Variants in FBXW11 observed in about 807,000 individuals in gnomAD.
FBXW11 encodes the protein F-box/WD repeat-containing protein 11.
Under a neutral mutation model 77.6 loss-of-function variants are expected in FBXW11, and 19 were observed. The observed-to-expected ratio is 0.24, with a 90% CI of 0.17 to 0.36. FBXW11 has a LOEUF of 0.36. Among genes scored for constraint, FBXW11 ranks in the 10% least tolerant of loss-of-function variants. The pLI, the probability that FBXW11 is intolerant of heterozygous loss-of-function variation, is 1.00. For missense variants in FBXW11, 334 were observed against 704.2 expected (o/e 0.47, Z 5.95); for synonymous variants, 235 against 249.4 (o/e 0.94, Z 0.54).
chr5:171,969,829 G>C (rs1764426920), intron 1 of FBXW11, among the ~76,000 whole-genome samples: 1 of 152,066 alleles, frequency 6.6e-6, no homozygotes, highest in South Asian at 2.1e-4. Flanking sequence ...AGCCTCCCGA[G>C]TAGAGCTGGG....
intron 2 of FBXW11, among the ~76,000 whole-genome samples, chr5:171,947,783 G>A (rs1239839709): frequency 6.6e-6 from 1 of 152,044 alleles, no homozygotes; most frequent in African/African-American, 2.4e-5. Context: ...AGGAGTGGCT[G>A]GTGTGTGTCT....
intron 1 of FBXW11, among the ~76,000 whole-genome samples, chr5:171,958,064 C>A (rs1763710558): frequency 6.6e-6 from 1 of 152,204 alleles, no homozygotes; most frequent in Non-Finnish European, 1.5e-5. Context: ...TCGTCTATGT[C>A]ACATAACCAT....
intron 13 of FBXW11, among the ~76,000 whole-genome samples, chr5:171,867,593 A>T (rs1757483284): frequency 1.3e-5 from 2 of 151,942 alleles, no homozygotes; most frequent in Admixed American, 1.3e-4. Flanking sequence ...TATTTATTGG[A>T]TCTTGGAATC....
At chr5:171,975,051 C>T (rs1764751828) in intron 1 of FBXW11, among the ~76,000 whole-genome samples, 1 of 152,082 alleles carries the variant, frequency 6.6e-6, no homozygotes, top group African/African-American at 2.4e-5. Flanking sequence ...GCCTCGGCCT[C>T]CCAAAGTGCT....
At chr5:171,997,010 T>G in intron 1 of FBXW11, 1 of 1,289,832 alleles carries the variant, frequency 7.8e-7, no homozygotes, top group South Asian at 1.2e-5. Context: ...GTTTACTGTA[T>G]CCAGCTTTCT....
At chr5:171,980,883 A>G (rs923002726) in intron 1 of FBXW11, among the ~76,000 whole-genome samples, 5 of 152,162 alleles carry the variant, frequency 3.3e-5, no homozygotes, top group Admixed American at 1.3e-4. Flanking sequence ...TGCCTGAGTG[A>G]TAGTATTGAG....
At chr5:171,885,167 G>A (rs557925999) in intron 7 of FBXW11, among the ~76,000 whole-genome samples, 3 of 152,162 alleles carry the variant, frequency 2.0e-5, no homozygotes, top group Non-Finnish European at 4.4e-5. Context: ...TTCTACTGAA[G>A]GTAGACCTTA....
At chr5:171,982,136 C>T (rs1284100581) in intron 1 of FBXW11, among the ~76,000 whole-genome samples, 1 of 152,052 alleles carries the variant, frequency 6.6e-6, no homozygotes, top group Non-Finnish European at 1.5e-5. Context: ...AAACAGTACA[C>T]TTAAAATGAG....
At chr5:171,868,133 C>G (rs1421700511) in intron 13 of FBXW11, 1 of 151,850 alleles carries the variant, frequency 6.6e-6, no homozygotes, top group Non-Finnish European at 1.5e-5. Context: ...TCAACAGATA[C>G]TCTTCTCTGA....
chr5:172,004,955 G>T lies in FBXW11; in HGVS notation c.45+1503C>A, dbSNP rs566172010. Among the ~76,000 whole-genome samples the T allele has an allele frequency of 6.6e-5, 10 of 152,060 alleles. No homozygotes were observed. In the South Asian group the frequency reaches 1.9e-3, roughly 28 times the overall value. ...CCTCCTAGTTTTCAAGAATGCTAGA[G>T]AAGTCCAGTTCTGTGAATTATGCAA... is the stretch of plus-strand genomic sequence containing the variant. On this transcript the variant is annotated intron_variant, in intron 1 of 13. Coordinates refer to ENST00000517395, the MANE Select transcript of FBXW11 (RefSeq NM_001378974.1).
chr5:171,977,361 A>G (rs192643304), intron 1 of FBXW11, among the ~76,000 whole-genome samples: 2 of 152,190 alleles, frequency 1.3e-5, no homozygotes, highest in African/African-American at 4.8e-5. Flanking sequence ...AGGAAGAGAA[A>G]GAAATCTCTG....
At chr5:171,902,543 C>T (rs1051564945) in intron 4 of FBXW11, among the ~76,000 whole-genome samples, 7 of 152,156 alleles carry the variant, frequency 4.6e-5, no homozygotes, top group African/African-American at 1.7e-4. Flanking sequence ...TCTAAGAATT[C>T]TGCTAAAGCA....
chr5:171,977,295 GCAAGA>G (rs1481748616), intron 1 of FBXW11, among the ~76,000 whole-genome samples: 2 of 140,146 alleles, frequency 1.4e-5, no homozygotes, highest in Non-Finnish European at 3.0e-5. Flanking sequence ...GGGCAACAGA[GCAAGA>G]CCATGTCTCA....
intron 6 of FBXW11, among the ~76,000 whole-genome samples, chr5:171,894,772 T>C (rs866389939): frequency 6.6e-6 from 1 of 151,108 alleles, no homozygotes; most frequent in Non-Finnish European, 1.5e-5. Context: ...CTAGGTCAAG[T>C]AGTAACTTTG....
intron 1 of FBXW11, among the ~76,000 whole-genome samples, 199 bp downstream of exon 1, chr5:172,006,259 C>T (rs1766762938): frequency 6.6e-6 from 1 of 152,144 alleles, no homozygotes; most frequent in Admixed American, 6.5e-5. Context: ...ATGGAGGGGG[C>T]CGGGCCAGGA....
intron 7 of FBXW11, among the ~76,000 whole-genome samples, chr5:171,879,570 A>G (rs894001909): frequency 1.3e-5 from 2 of 152,242 alleles, no homozygotes; most frequent in African/African-American, 4.8e-5. Context: ...GCAATGAATG[A>G]AAGTTCCTGT....
In FBXW11 at chr5:171,870,821, G is replaced by A. The variant is rs1757709483; in HGVS notation, c.1378C>T (p.Leu460=). 6.8e-6 allele frequency: 11 copies of A among 1,613,762 alleles called. No individual in the cohort carries two copies. The highest frequency in any genetic ancestry group is 9.3e-6 in the Non-Finnish European group (11 of 1,179,854). Residue 460 remains leucine (L), a synonymous_variant, in exon 11 of 14, where the codon CTA becomes TTA. Transcript: ENST00000517395. Reference sequence around the variant, plus strand: ...CGGACCAATTCTTCATGTCCCTCTAGGACTCTTAAACAGGCACCACATTCA... The same window carrying A: ...CGGACCAATTCTTCATGTCCCTCTAAGACTCTTAAACAGGCACCACATTCA... ...DIECGACLRV[L]EGHEELVRCI...
chr5:171,896,543 C>T (rs1759756091), intron 6 of FBXW11, among the ~76,000 whole-genome samples: 1 of 152,124 alleles, frequency 6.6e-6, no homozygotes, highest in Admixed American at 6.5e-5. Flanking sequence ...AGGCATAAAA[C>T]ATGCCTCTTT....
chr5:171,867,505 AC>A (rs1203708785), intron 13 of FBXW11, among the ~76,000 whole-genome samples: 1 of 151,606 alleles, frequency 6.6e-6, no homozygotes, highest in Non-Finnish European at 1.5e-5. Context: ...AAAAAAAAAA[AC>A]GGGTAGTGAG....
Sources: gnomAD v4.1 joint callset for allele counts (sites outside exome capture counted in the v4.1 genomes callset) on GRCh38, gnomAD v4.1.1 for gene constraint, MANE v1.5 for transcripts, NCBI Gene and HGNC (gene_info 2026-07-23, HGNC 2026-07-21) for gene names.